Variants in RABGEF1 observed in about 807,000 individuals in gnomAD.
RABGEF1 encodes the protein RAB guanine nucleotide exchange factor 1, also known as rab5 GDP/GTP exchange factor.
RABGEF1 carries 26 observed loss-of-function variants against 57.3 expected under a neutral mutation model. The ratio of observed to expected loss-of-function variants is 0.45; its 90% CI spans 0.33 to 0.63. The LOEUF (loss-of-function observed/expected upper bound fraction) is 0.63. Among genes scored for constraint, RABGEF1 ranks in the 20% least tolerant of loss-of-function variants. The pLI, the probability that RABGEF1 is intolerant of heterozygous loss-of-function variation, is 0.02. For synonymous variants in RABGEF1, 185 were observed against 210.7 expected (o/e 0.88, Z 1.06); for missense variants, 464 against 607.6 (o/e 0.76, Z 2.48).
chr7:66,801,891 CTTAT>C (rs768444191), intron 7 of RABGEF1, among the ~76,000 whole-genome samples: 1 of 152,086 alleles, frequency 6.6e-6, no homozygotes. Flanking sequence ...CATCTGGAGA[CTTAT>C]TTATTTAGTT....
intron 1 of RABGEF1, among the ~76,000 whole-genome samples, chr7:66,753,186 C>A (rs1801822578): frequency 6.6e-6 from 1 of 152,134 alleles, no homozygotes; most frequent in Admixed American, 6.6e-5. Flanking sequence ...GAAGGGTATT[C>A]TAAGTGGGTT....
chr7:66,782,583 G>C (rs1336272726), intron 3 of RABGEF1, among the ~76,000 whole-genome samples: 2 of 150,672 alleles, frequency 1.3e-5, no homozygotes, highest in African/African-American at 4.9e-5. Context: ...CGATCCTCCT[G>C]CTTTAACCCC....
At chr7:66,793,410 C>A (rs1258878742) in intron 4 of RABGEF1, among the ~76,000 whole-genome samples, 1 of 152,116 alleles carries the variant, frequency 6.6e-6, no homozygotes, top group Non-Finnish European at 1.5e-5. Flanking sequence ...TCACATGAGG[C>A]CAGGTGTGGA....
intron 2 of RABGEF1, among the ~76,000 whole-genome samples, chr7:66,729,594 C>A (rs1435386558): frequency 1.3e-5 from 2 of 152,050 alleles, no homozygotes; most frequent in Non-Finnish European, 1.5e-5. Flanking sequence ...TTACTTCCAC[C>A]TTTACCTTCA....
At chr7:66,730,486 G>A (rs1271003295) in intron 2 of RABGEF1, among the ~76,000 whole-genome samples, 1 of 152,060 alleles carries the variant, frequency 6.6e-6, no homozygotes, top group Non-Finnish European at 1.5e-5. Flanking sequence ...CAACCTCCTG[G>A]GCTTAAGTTA....
At chr7:66,774,356 A>G (rs1369359957) in intron 2 of RABGEF1, among the ~76,000 whole-genome samples, 1 of 152,200 alleles carries the variant, frequency 6.6e-6, no homozygotes, top group African/African-American at 2.4e-5. Context: ...TTTCTAAAGT[A>G]CAGATCTGAC....
At chr7:66,770,200 T>C (rs1199337877) in intron 1 of RABGEF1, 1 of 152,214 alleles carries the variant, frequency 6.6e-6, no homozygotes, top group Non-Finnish European at 1.5e-5. Context: ...AGTTGGCACT[T>C]AGTAAATGTT....
At chr7:66,701,241 G>A (rs1793213478) in intron 1 of RABGEF1, among the ~76,000 whole-genome samples, 1 of 152,200 alleles carries the variant, frequency 6.6e-6, no homozygotes, top group African/African-American at 2.4e-5. Context: ...GCTCAGGCCT[G>A]TAATCTCCAC....
At chr7:66,796,354 C>T (rs539446294) in intron 5 of RABGEF1, among the ~76,000 whole-genome samples, 1 of 152,264 alleles carries the variant, frequency 6.6e-6, no homozygotes, top group East Asian at 1.9e-4. Flanking sequence ...CATTTGTATA[C>T]CTCAGAGAGC....
chr7:66,782,552 C>T (rs577864416), intron 3 of RABGEF1, among the ~76,000 whole-genome samples: 1 of 150,926 alleles, frequency 6.6e-6, no homozygotes, highest in African/African-American at 2.4e-5. Flanking sequence ...CTCACTGCAG[C>T]GTCAAACTCC....
intron 1 of RABGEF1, among the ~76,000 whole-genome samples, chr7:66,694,734 A>G (rs1156435133): frequency 2.7e-5 from 4 of 149,420 alleles, no homozygotes; most frequent in African/African-American, 2.4e-5. Flanking sequence ...TGGTCTACCA[A>G]TGGGACAGAG....
intron 1 of RABGEF1, among the ~76,000 whole-genome samples, chr7:66,701,202 G>C (rs1793207156): frequency 6.6e-6 from 1 of 152,188 alleles, no homozygotes; most frequent in Non-Finnish European, 1.5e-5. Context: ...GATTTCATCC[G>C]AGAAGTAACA....
intron 5 of RABGEF1, 139 bp from the exon 6 acceptor site, chr7:66,797,235 T>G (rs932962278): frequency 4.3e-5 from 34 of 787,426 alleles, no homozygotes; most frequent in South Asian, 9.9e-5. Flanking sequence ...GCCCAGGAGG[T>G]GGAGGTTTCA....
chr7:66,731,768 CCA>C (rs1797345595), intron 2 of RABGEF1, among the ~76,000 whole-genome samples: 1 of 152,284 alleles, frequency 6.6e-6, no homozygotes, highest in Admixed American at 6.5e-5. Context: ...CCCTCCTGTG[CCA>C]CAGTCATGCC....
chr7:66,671,683 G>A, the RABGEF1 span, among the ~76,000 whole-genome samples: 316 of 152,278 alleles, frequency 2.1e-3, no homozygotes, highest in Non-Finnish European at 3.4e-3. Flanking sequence ...GCAGCCAGGC[G>A]TGGTGGCACT....
chr7:66,757,280 ATTGT>A (rs76587352), intron 1 of RABGEF1, among the ~76,000 whole-genome samples: 6,000 of 152,138 alleles, frequency 0.039, 163 homozygotes, highest in East Asian at 0.085. Context: ...CTAACTTGTT[ATTGT>A]TTCTCTGTTA....
chr7:66,709,690 G>C (rs906867902), intron 1 of RABGEF1, among the ~76,000 whole-genome samples: 4 of 152,100 alleles, frequency 2.6e-5, no homozygotes, highest in Non-Finnish European at 5.9e-5. Context: ...CAGGAGAATC[G>C]CTTGAACCTG....
chr7:66,750,248 C>T (rs1353261534), intron 1 of RABGEF1, among the ~76,000 whole-genome samples: 1 of 152,072 alleles, frequency 6.6e-6, no homozygotes, highest in East Asian at 1.9e-4. Context: ...TTTTTAATAC[C>T]ATCTATGAGA....
At chr7:66,672,752 G>C in the RABGEF1 span, among the ~76,000 whole-genome samples, 2 of 152,194 alleles carry the variant, frequency 1.3e-5, no homozygotes, top group Admixed American at 6.5e-5. Flanking sequence ...CTCCAAGAAG[G>C]ATTGCCCACA....
Sources: allele counts gnomAD v4.1 joint callset (sites outside exome capture counted in the v4.1 genomes callset), GRCh38; gene constraint gnomAD v4.1.1; transcripts MANE v1.5; gene names NCBI Gene and HGNC (gene_info 2026-07-23, HGNC 2026-07-21).